The following ZNF362 variants were observed in gnomAD, a reference collection of about 807,000 sequenced individuals.
ZNF362 encodes rotund homolog.
A neutral mutation model predicts 42.9 loss-of-function variants in ZNF362; 11 were observed. That is an observed-to-expected ratio of 0.26 (90% CI 0.16 to 0.42). The LOEUF (loss-of-function observed/expected upper bound fraction) is 0.42, where lower values mean the gene tolerates loss of function less well. Among genes scored for constraint, ZNF362 ranks in the 20% least tolerant of loss-of-function variants. ZNF362 has a pLI of 1.00. For synonymous variants in ZNF362, 255 were observed against 257.3 expected (o/e 0.99, Z 0.09); for missense variants, 362 against 576.2 (o/e 0.63, Z 3.81).
intron 1 of ZNF362, among the ~76,000 whole-genome samples, chr1:33,258,398 G>A (rs537081618): frequency 6.6e-6 from 1 of 152,266 alleles, no homozygotes; most frequent in Non-Finnish European, 1.5e-5. Flanking sequence ...TTTGTGTCCT[G>A]GCTCCACTAG....
the ZNF362 span, among the ~76,000 whole-genome samples, chr1:33,219,059 C>T: frequency 6.6e-6 from 1 of 151,972 alleles, no homozygotes; most frequent in African/African-American, 2.4e-5. Context: ...CCTTAAGGGC[C>T]CCAAACACAA....
In ZNF362 at chr1:33,294,592, A is replaced by G. The variant is rs978972152; in HGVS notation, c.909-345A>G. The stretch of plus-strand genomic sequence containing the variant: ...AAAGCTGTGCATCTGTGTTCTTTGC[A>G]ATATGTGGTCCGTAGTGTGGGGTTT... On this transcript the variant is annotated intron_variant, in intron 6 of 8. Coordinates refer to ENST00000539719, the MANE Select transcript of ZNF362 (RefSeq NM_152493.3). The surrounding 1 kb of genome is among the most constrained non-coding windows in gnomAD (Gnocchi z 4.2). 2.0e-5 allele frequency among the ~76,000 whole-genome samples: 3 copies of G among 152,178 alleles called. No homozygotes were observed. Among genetic ancestry groups the G allele is most frequent in the Non-Finnish European group, 4.4e-5 (3 of 68,030 alleles).
At chr1:33,196,058 G>T in the ZNF362 span, 5 of 151,702 alleles carry the variant, frequency 3.3e-5, no homozygotes, top group African/African-American at 1.2e-4. Flanking sequence ...TTATTCTTAG[G>T]TTTTACTTTT....
chr1:33,206,068 A>T, the ZNF362 span, among the ~76,000 whole-genome samples: 1 of 152,206 alleles, frequency 6.6e-6, no homozygotes, highest in Non-Finnish European at 1.5e-5. Context: ...AAAACAAATA[A>T]TATTGGAAAA....
At chr1:33,170,608 G>C in the ZNF362 span, among the ~76,000 whole-genome samples, 5 of 152,150 alleles carry the variant, frequency 3.3e-5, no homozygotes, top group African/African-American at 1.2e-4. Context: ...CCAGCAGGCA[G>C]AGTTCCTTGG....
At chr1:33,189,722 T>TATATATATATATATATATATAC in the ZNF362 span, among the ~76,000 whole-genome samples, 115 of 102,896 alleles carry the variant, frequency 1.1e-3, 2 homozygotes, top group African/African-American at 3.4e-3. Flanking sequence ...TATATATACA[T>TATATATATATATATATATATAC]ACACACATAC....
At chr1:33,223,270 A>G in the ZNF362 span, among the ~76,000 whole-genome samples, 1 of 151,972 alleles carries the variant, frequency 6.6e-6, no homozygotes, top group Non-Finnish European at 1.5e-5. Flanking sequence ...AAACCAAAAA[A>G]CAAAAAAACA....
At chr1:33,209,226 T>C in the ZNF362 span, among the ~76,000 whole-genome samples, 1 of 152,356 alleles carries the variant, frequency 6.6e-6, no homozygotes, top group Admixed American at 6.5e-5. Context: ...TTACACTTAT[T>C]GATTTGTGTA....
intron 1 of ZNF362, among the ~76,000 whole-genome samples, chr1:33,265,297 T>TG (rs1289702195): frequency 7.8e-6 from 1 of 128,312 alleles, no homozygotes; most frequent in African/African-American, 2.9e-5. Context: ...GAGGTGGGAA[T>TG]GGGGGGCCCA....
chr1:33,157,912 A>G, the ZNF362 span, among the ~76,000 whole-genome samples: 1 of 152,246 alleles, frequency 6.6e-6, no homozygotes, highest in South Asian at 2.1e-4. Context: ...GCACGCCACC[A>G]TGCCCAGCTA....
the ZNF362 span, among the ~76,000 whole-genome samples, chr1:33,224,383 A>G: frequency 6.6e-6 from 1 of 152,246 alleles, no homozygotes; most frequent in South Asian, 2.1e-4. Flanking sequence ...TCAAATTTCC[A>G]GACCTAAGTA....
At chr1:33,295,114 T>C (rs751571638) in intron 7 of ZNF362, 33 bp from the exon 8 acceptor site, 2 of 1,607,652 alleles carry the variant, frequency 1.2e-6, no homozygotes, top group Non-Finnish European at 8.5e-7. Context: ...GGGAGCCCTG[T>C]TCCTCTCCTG....
the ZNF362 span, among the ~76,000 whole-genome samples, chr1:33,246,719 G>T: frequency 6.6e-6 from 1 of 152,196 alleles, no homozygotes; most frequent in Non-Finnish European, 1.5e-5. Context: ...CAGGAATTTT[G>T]TTTTAGTGGA....
chr1:33,295,057 C>T (rs772391072), intron 7 of ZNF362, 42 bp downstream of exon 7: 2 of 1,554,408 alleles, frequency 1.3e-6, no homozygotes, highest in Middle Eastern at 1.7e-4. Flanking sequence ...TGCTCTGGTG[C>T]CCCCCCACCC....
the ZNF362 span, among the ~76,000 whole-genome samples, chr1:33,169,900 C>T: frequency 6.6e-6 from 1 of 152,160 alleles, no homozygotes; most frequent in Admixed American, 6.5e-5. Context: ...CAGGCCTTTA[C>T]ACATCTCTCA....
chr1:33,236,472 C>T, the ZNF362 span, among the ~76,000 whole-genome samples: 1 of 139,438 alleles, frequency 7.2e-6, no homozygotes, highest in Non-Finnish European at 1.5e-5. Context: ...CTTGCTTGAA[C>T]CCGGGAGTTC....
At chr1:33,238,812 T>C in the ZNF362 span, among the ~76,000 whole-genome samples, 4 of 152,192 alleles carry the variant, frequency 2.6e-5, no homozygotes, top group East Asian at 1.9e-4. Flanking sequence ...TCTCGACGTA[T>C]GCACACAGAG....
chr1:33,152,347 C>T, the ZNF362 span, among the ~76,000 whole-genome samples: 8 of 152,200 alleles, frequency 5.3e-5, no homozygotes, highest in Non-Finnish European at 1.2e-4. Flanking sequence ...AGGCGGATCA[C>T]CTGAGGTCCG....
At chr1:33,230,762 G>C in the ZNF362 span, among the ~76,000 whole-genome samples, 1 of 152,208 alleles carries the variant, frequency 6.6e-6, no homozygotes, top group Non-Finnish European at 1.5e-5. Context: ...GTTTTGCTTT[G>C]TTTATCCAAA....
Sources: gnomAD v4.1 joint callset for allele counts (sites outside exome capture counted in the v4.1 genomes callset) on GRCh38, gnomAD v4.1.1 for gene constraint, Gnocchi (gnomAD v3.1) non-coding constraint, MANE v1.5 for transcripts, NCBI Gene and HGNC (gene_info 2026-07-23, HGNC 2026-07-21) for gene names.